LPP: variants seen among roughly 807,000 people sequenced by gnomAD.
The protein encoded by LPP is LIM domain containing preferred translocation partner in lipoma.
A neutral mutation model predicts 60.4 loss-of-function variants in LPP; 38 were observed. The ratio of observed to expected loss-of-function variants is 0.63; its 90% CI spans 0.49 to 0.83. LPP has a LOEUF of 0.83. Among genes scored for constraint, LPP ranks in the 40% least tolerant of loss-of-function variants. The pLI, the probability that LPP is intolerant of heterozygous loss-of-function variation, is 0.00. For missense variants in LPP, 902 were observed against 783.6 expected (o/e 1.15, Z -1.80); for synonymous variants, 328 against 290.8 (o/e 1.13, Z -1.30).
intron 4 of LPP, among the ~76,000 whole-genome samples, chr3:188,466,441 C>T (rs753103925): frequency 2.6e-5 from 4 of 151,972 alleles, no homozygotes; most frequent in South Asian, 2.1e-4. Flanking sequence ...CCATCAGTGT[C>T]GAGAGGGCTA....
chr3:188,354,462 T>C (rs909935291), intron 3 of LPP, among the ~76,000 whole-genome samples: 34 of 152,206 alleles, frequency 2.2e-4, no homozygotes, highest in African/African-American at 7.7e-4. Context: ...CTTTATGGTT[T>C]TTAAAATAAA....
rs182481035 is a variant in LPP, at chr3:188,594,144, T to G, written c.430-15017T>G. Among the ~76,000 whole-genome samples, 19 of 152,278 alleles carry G rather than the reference T, an allele frequency of 1.2e-4. 1 individual carries two copies. In the South Asian group the frequency reaches 2.7e-3, roughly 22 times the overall value. On this transcript the variant is annotated intron_variant, in intron 6 of 11. Coordinates refer to ENST00000617246, the MANE Select transcript of LPP (RefSeq NM_001375462.1). ...AATGGTACTCAAACTTAAGAATGTG[T>G]AAGAATTACCTAGGCCATAGCACTT...
chr3:188,463,080 G>A (rs1209434480), intron 4 of LPP, among the ~76,000 whole-genome samples: 1 of 152,146 alleles, frequency 6.6e-6, no homozygotes, highest in Non-Finnish European at 1.5e-5. Flanking sequence ...ACTCCTGCCT[G>A]GGAGGCAGAG....
chr3:188,379,652 A>G (rs1007960143), intron 3 of LPP, among the ~76,000 whole-genome samples: 1 of 152,252 alleles, frequency 6.6e-6, no homozygotes, highest in Admixed American at 6.5e-5. Flanking sequence ...GACATTTTAT[A>G]TAAATGTCCA....
intron 6 of LPP, among the ~76,000 whole-genome samples, chr3:188,583,337 G>A (rs1042308238): frequency 6.6e-6 from 1 of 152,098 alleles, no homozygotes; most frequent in Non-Finnish European, 1.5e-5. Flanking sequence ...CTGATCCCCA[G>A]AGACATTGAG....
intron 2 of LPP, among the ~76,000 whole-genome samples, chr3:188,332,835 G>T (rs1760492297): frequency 6.6e-6 from 1 of 152,140 alleles, no homozygotes; most frequent in Non-Finnish European, 1.5e-5. Context: ...GCTTGGTTTT[G>T]TTTGATTATA....
intron 9 of LPP, among the ~76,000 whole-genome samples, chr3:188,782,316 C>T (rs1740059758): frequency 2.0e-5 from 3 of 152,256 alleles, no homozygotes; most frequent in African/African-American, 7.2e-5. Flanking sequence ...TACCTGGAAG[C>T]TGAAAAGCAA....
chr3:188,262,019 C>T (rs1422780519), intron 2 of LPP, among the ~76,000 whole-genome samples: 1 of 152,186 alleles, frequency 6.6e-6, no homozygotes, highest in African/African-American at 2.4e-5. Context: ...AAGTTAGAAA[C>T]TGTTGCCTAA....
intron 3 of LPP, among the ~76,000 whole-genome samples, chr3:188,356,708 CTCCA>C (rs1767714924): frequency 6.6e-6 from 1 of 152,186 alleles, no homozygotes; most frequent in Admixed American, 6.5e-5. Flanking sequence ...GAAAAAGATT[CTCCA>C]TCCTTCAATT....
intron 5 of LPP, among the ~76,000 whole-genome samples, chr3:188,491,916 T>C (rs1344838663): frequency 6.6e-6 from 1 of 152,206 alleles, no homozygotes; most frequent in African/African-American, 2.4e-5. Flanking sequence ...CTTCTTTACT[T>C]TTTAAGAACT....
intron 7 of LPP, among the ~76,000 whole-genome samples, chr3:188,658,237 A>G (rs6808193): frequency 0.98 from 149,567 of 151,956 alleles, 73,649 homozygotes; most frequent in East Asian, 1. Context: ...TCTGCCTCCC[A>G]GGTTCAAGCA....
intron 4 of LPP, among the ~76,000 whole-genome samples, chr3:188,444,607 T>C (rs1794780970): frequency 6.6e-6 from 1 of 152,036 alleles, no homozygotes; most frequent in Non-Finnish European, 1.5e-5. Flanking sequence ...CCAAAAGCAA[T>C]GCCAACAAAA....
At chr3:188,370,511 C>T (rs929442108) in intron 3 of LPP, among the ~76,000 whole-genome samples, 2 of 152,142 alleles carry the variant, frequency 1.3e-5, no homozygotes, top group African/African-American at 4.8e-5. Context: ...CATTTAACTC[C>T]TCAATTAGAT....
At chr3:188,823,232 G>A (rs1020296988) in intron 9 of LPP, among the ~76,000 whole-genome samples, 1 of 152,112 alleles carries the variant, frequency 6.6e-6, no homozygotes, top group Non-Finnish European at 1.5e-5. Context: ...CAGACAGAAA[G>A]CATCTTACTT....
At chr3:188,805,395 T>G (rs1441141522) in intron 9 of LPP, among the ~76,000 whole-genome samples, 2 of 151,974 alleles carry the variant, frequency 1.3e-5, no homozygotes, top group Non-Finnish European at 2.9e-5. Context: ...TCTTAGAAAA[T>G]TGGTCCATTT....
At chr3:188,692,996 C>T (rs1862449572) in intron 7 of LPP, among the ~76,000 whole-genome samples, 1 of 152,132 alleles carries the variant, frequency 6.6e-6, no homozygotes, top group Non-Finnish European at 1.5e-5. Flanking sequence ...TGTTTTCTGC[C>T]TATTACCCAG....
At chr3:188,196,529 A>C (rs1403975699) in intron 1 of LPP, among the ~76,000 whole-genome samples, 1 of 152,250 alleles carries the variant, frequency 6.6e-6, no homozygotes, top group East Asian at 1.9e-4. Context: ...GGCCCTCAGC[A>C]TCTCTCTCCT....
chr3:188,244,365 A>G (rs1338937118), intron 2 of LPP, among the ~76,000 whole-genome samples: 1 of 152,180 alleles, frequency 6.6e-6, no homozygotes, highest in African/African-American at 2.4e-5. Flanking sequence ...ATTCACAGAC[A>G]TGGAAGAGGC....
chr3:188,491,060 G>A (rs78659445), intron 5 of LPP, among the ~76,000 whole-genome samples: 17,446 of 152,092 alleles, frequency 0.11, 1,283 homozygotes, highest in South Asian at 0.17. Context: ...GCGCCTGGCC[G>A]GCACTGGAAT....
Sources: gnomAD v4.1 joint callset for allele counts (sites outside exome capture counted in the v4.1 genomes callset) on GRCh38, gnomAD v4.1.1 for gene constraint, MANE v1.5 for transcripts, NCBI Gene and HGNC (gene_info 2026-07-23, HGNC 2026-07-21) for gene names.